Variants in FOXP1 observed in about 807,000 individuals in gnomAD.
FOXP1 encodes forkhead box protein P1.
In FOXP1, 15 loss-of-function variants were observed where a neutral mutation model predicts 98.2. That is an observed-to-expected ratio of 0.15 (90% CI 0.10 to 0.24). FOXP1 has a LOEUF of 0.24. Among genes scored for constraint, FOXP1 ranks in the 10% least tolerant of loss-of-function variants. FOXP1 has a pLI of 1.00. For synonymous variants in FOXP1, 371 were observed against 314.5 expected, an observed-to-expected ratio of 1.18 and a Z score of -1.90; for missense variants, 633 against 848.5, an observed-to-expected ratio of 0.75 and a Z score of 3.15.
chr3:71,427,464 G>T (rs984914893), intron 3 of FOXP1, among the ~76,000 whole-genome samples: 6 of 152,224 alleles, frequency 3.9e-5, no homozygotes, highest in Non-Finnish European at 8.8e-5. Flanking sequence ...GATGGAGTTT[G>T]CAAGGAGATC....
chr3:71,241,407 G>A (rs9838220), intron 5 of FOXP1, among the ~76,000 whole-genome samples: 36,034 of 151,938 alleles, frequency 0.24, 4,435 homozygotes, highest in African/African-American at 0.3. Flanking sequence ...AGCATTTGGC[G>A]TCTCAAATTA....
chr3:71,370,044 C>T (rs991780435), intron 3 of FOXP1, among the ~76,000 whole-genome samples: 4 of 152,042 alleles, frequency 2.6e-5, no homozygotes, highest in African/African-American at 7.2e-5. Context: ...GGGTGTTAGC[C>T]AGGTAGAGAG....
At chr3:71,493,594 T>G (rs573155541) in intron 2 of FOXP1, 39 bp from the exon 3 acceptor site, 1 of 152,310 alleles carries the variant, frequency 6.6e-6, no homozygotes, top group South Asian at 2.1e-4. Flanking sequence ...AACTAAGATG[T>G]AACTTCTAAA....
intron 7 of FOXP1, among the ~76,000 whole-genome samples, chr3:71,078,615 T>C (rs1396062678): frequency 2.0e-5 from 3 of 152,052 alleles, no homozygotes; most frequent in African/African-American, 7.2e-5. Flanking sequence ...ATGAAAAGAA[T>C]CCTTCTGAAT....
chr3:71,176,149 C>T (rs1344113547), intron 6 of FOXP1, among the ~76,000 whole-genome samples: 1 of 152,140 alleles, frequency 6.6e-6, no homozygotes, highest in Admixed American at 6.5e-5. Flanking sequence ...AAGCCTGTTA[C>T]ATAATCCTAA....
In FOXP1 at chr3:71,220,334, C is replaced by T. The variant is rs545382445; in HGVS notation, c.-11-21942G>A. Among the ~76,000 whole-genome samples, 10 of 152,266 alleles carry T rather than the reference C, an allele frequency of 6.6e-5. No homozygotes were observed. In the East Asian group the frequency reaches 7.7e-4, roughly 12 times the overall value. On this transcript the variant is annotated intron_variant, in intron 5 of 20. Coordinates refer to ENST00000649528, the MANE Select transcript of FOXP1 (RefSeq NM_001349338.3). ...GAATGACATTTCTCAGCCCAAGTGA[C>T]GCTTTTGTGAGAATGGCCAAGTGAG...
chr3:71,319,538 TCA>T (rs1395320138), intron 4 of FOXP1, among the ~76,000 whole-genome samples: 1 of 152,188 alleles, frequency 6.6e-6, no homozygotes, highest in African/African-American at 2.4e-5. Context: ...AAAATTCTTT[TCA>T]CAGTCTCATA....
At chr3:71,342,491 G>A (rs1213853437) in intron 4 of FOXP1, among the ~76,000 whole-genome samples, 1 of 152,058 alleles carries the variant, frequency 6.6e-6, no homozygotes, top group Non-Finnish European at 1.5e-5. Flanking sequence ...TCAGGAGTTC[G>A]AGACCAGCCT....
At chr3:71,482,366 C>A (rs912537709) in intron 3 of FOXP1, among the ~76,000 whole-genome samples, 1 of 118,130 alleles carries the variant, frequency 8.5e-6, no homozygotes, top group Non-Finnish European at 1.6e-5. Context: ...TAATACATAA[C>A]CTTTTTTTTT....
intron 6 of FOXP1, 89 bp from the exon 7 acceptor site, chr3:71,112,726 G>A: frequency 1.1e-6 from 1 of 940,692 alleles, no homozygotes; most frequent in South Asian, 1.3e-5. Flanking sequence ...TGCGCTTTGG[G>A]ACTGGGTCCT....
At chr3:71,229,755 G>A (rs1166803864) in intron 5 of FOXP1, among the ~76,000 whole-genome samples, 3 of 152,042 alleles carry the variant, frequency 2.0e-5, no homozygotes, top group Non-Finnish European at 2.9e-5. Flanking sequence ...AATAAACGCC[G>A]GAAGTTGGAT....
At chr3:71,179,875 C>T (rs1347743199) in intron 6 of FOXP1, among the ~76,000 whole-genome samples, 3 of 152,132 alleles carry the variant, frequency 2.0e-5, no homozygotes, top group Non-Finnish European at 1.5e-5. Flanking sequence ...TTAATTGTGC[C>T]GTTGAAAATT....
chr3:71,017,167 A>G (rs1402398210), intron 11 of FOXP1, among the ~76,000 whole-genome samples: 1 of 152,174 alleles, frequency 6.6e-6, no homozygotes, highest in Middle Eastern at 3.2e-3. Flanking sequence ...TAAGCAGTTA[A>G]CAGGGTAAAA....
chr3:71,529,828 C>T (rs2043688498), intron 2 of FOXP1, among the ~76,000 whole-genome samples: 1 of 152,150 alleles, frequency 6.6e-6, no homozygotes, highest in Admixed American at 6.5e-5. Context: ...CATCAGTATC[C>T]TTGATGTAAT....
chr3:71,179,568 GAAATTA>G (rs1202631928), intron 6 of FOXP1, among the ~76,000 whole-genome samples: 4 of 152,118 alleles, frequency 2.6e-5, no homozygotes, highest in Non-Finnish European at 5.9e-5. Flanking sequence ...CACAAAATGT[GAAATTA>G]AAATTAAGAT....
At chr3:71,406,405 G>GTATGTGTA (rs2082336447) in intron 3 of FOXP1, among the ~76,000 whole-genome samples, 1 of 105,948 alleles carries the variant, frequency 9.4e-6, no homozygotes, top group Admixed American at 9.4e-5. Context: ...AACTGTATGT[G>GTATGTGTA]TATATATATA....
intron 14 of FOXP1, 59 bp from the exon 15 acceptor site, chr3:70,978,088 C>T: frequency 1.4e-6 from 2 of 1,407,304 alleles, no homozygotes; most frequent in Non-Finnish European, 2.0e-6. Context: ...AACCCAGGAA[C>T]CACATCTAGC....
At chr3:71,423,249 CAGAG>C (rs1477312366) in intron 3 of FOXP1, among the ~76,000 whole-genome samples, 2 of 152,186 alleles carry the variant, frequency 1.3e-5, no homozygotes, top group African/African-American at 2.4e-5. Flanking sequence ...GATGAGGAAG[CAGAG>C]AGAGACATAA....
chr3:71,186,814 A>G (rs2062675834), intron 6 of FOXP1, among the ~76,000 whole-genome samples: 1 of 152,272 alleles, frequency 6.6e-6, no homozygotes, highest in Non-Finnish European at 1.5e-5. Context: ...TTGTCACTGT[A>G]AAGTAAGGGT....
Sources: gnomAD v4.1 joint callset for allele counts (sites outside exome capture counted in the v4.1 genomes callset) on GRCh38, gnomAD v4.1.1 for gene constraint, MANE v1.5 for transcripts, NCBI Gene and HGNC (gene_info 2026-07-23, HGNC 2026-07-21) for gene names.